LRRFIP1: variants seen among roughly 807,000 people sequenced by gnomAD.
LRRFIP1 encodes the protein LRR binding FLII interacting protein 1.
A neutral mutation model predicts 104.4 loss-of-function variants in LRRFIP1; 62 were observed. The ratio of observed to expected loss-of-function variants is 0.59; its 90% CI spans 0.48 to 0.73. The LOEUF (loss-of-function observed/expected upper bound fraction) is 0.73, where lower values mean the gene tolerates loss of function less well. LRRFIP1 is among the 30% of genes least tolerant of loss of function. LRRFIP1 has a pLI of 0.00. For synonymous variants in LRRFIP1, 300 were observed against 299.0 expected, an observed-to-expected ratio of 1.00 and a Z score of -0.03; for missense variants, 796 against 824.5, an observed-to-expected ratio of 0.97 and a Z score of 0.42.
intron 1 of LRRFIP1, among the ~76,000 whole-genome samples, chr2:237,697,011 A>T (rs1297321540): frequency 1.3e-5 from 2 of 152,210 alleles, no homozygotes; most frequent in African/African-American, 4.8e-5. Context: ...ACATTCAAAG[A>T]ACGAACTTAC....
chr2:237,628,927 G>A (rs1404418078), intron 1 of LRRFIP1, among the ~76,000 whole-genome samples: 1 of 152,202 alleles, frequency 6.6e-6, no homozygotes, highest in Non-Finnish European at 1.5e-5. Context: ...GGGCTTTCCA[G>A]GCAAACCCTT....
intron 2 of LRRFIP1, 147 bp downstream of exon 2, chr2:237,708,777 C>T: frequency 1.1e-6 from 1 of 912,182 alleles, no homozygotes; most frequent in Non-Finnish European, 1.8e-6. Flanking sequence ...TGACTTCTGC[C>T]CAAGGTCAGG....
chr2:237,644,859 A>T (rs2084617581), intron 1 of LRRFIP1, among the ~76,000 whole-genome samples: 1 of 152,224 alleles, frequency 6.6e-6, no homozygotes, highest in African/African-American at 2.4e-5. Context: ...GATTTGTCTG[A>T]TTAGACTGAA....
intron 1 of LRRFIP1, among the ~76,000 whole-genome samples, chr2:237,660,641 T>G (rs943679221): frequency 6.6e-6 from 1 of 152,236 alleles, no homozygotes; most frequent in Non-Finnish European, 1.5e-5. Flanking sequence ...TGCTGCAGTC[T>G]TGCTTGTAGC....
intron 1 of LRRFIP1, among the ~76,000 whole-genome samples, chr2:237,693,091 T>C (rs2092927460): frequency 1.3e-5 from 2 of 152,236 alleles, no homozygotes; most frequent in Non-Finnish European, 2.9e-5. Flanking sequence ...CAGCTCAATA[T>C]GCAGTCGTGG....
Position 237,764,284 on chromosome 2 carries a change from T to C in LRRFIP1, c.1459+4079T>C, listed in dbSNP as rs1289571580. ...CCAGGTGCTCTACTGCTTTAAGTTATAGACTGTTACTTGTAGATTTCCATG... is the reference window on the plus strand; with the variant it reads ...CCAGGTGCTCTACTGCTTTAAGTTACAGACTGTTACTTGTAGATTTCCATG... On this transcript the variant is annotated intron_variant, in intron 19 of 23. Transcript: ENST00000308482. 8 of 1,560,236 alleles carry C rather than the reference T, an allele frequency of 5.1e-6. No individual in the cohort carries two copies. In the East Asian group the frequency reaches 1.4e-4, roughly 27 times the overall value.
chr2:237,704,414 A>C (rs1268606311), intron 1 of LRRFIP1, among the ~76,000 whole-genome samples: 1 of 152,006 alleles, frequency 6.6e-6, no homozygotes, highest in Non-Finnish European at 1.5e-5. Context: ...TCAGTCCCCC[A>C]AAGTGCTGGG....
At chr2:237,668,590 G>C (rs6431554) in intron 1 of LRRFIP1, among the ~76,000 whole-genome samples, 134,927 of 152,138 alleles carry the variant, frequency 0.89, 59,949 homozygotes, top group East Asian at 0.92. Flanking sequence ...AGCTACTGAA[G>C]AGCGTTTCCC....
At chr2:237,697,080 G>A (rs1339432066) in intron 1 of LRRFIP1, among the ~76,000 whole-genome samples, 1 of 152,080 alleles carries the variant, frequency 6.6e-6, no homozygotes, top group Non-Finnish European at 1.5e-5. Flanking sequence ...GGAATGCAAT[G>A]GCACAATCTC....
At chr2:237,651,978 C>G (rs1011405009) in intron 1 of LRRFIP1, among the ~76,000 whole-genome samples, 2 of 152,240 alleles carry the variant, frequency 1.3e-5, no homozygotes, top group African/African-American at 4.8e-5. Context: ...CCACCAGATT[C>G]TGGCGTACCT....
intron 16 of LRRFIP1, 56 bp from the exon 17 acceptor site, chr2:237,757,399 TG>T: frequency 8.6e-7 from 1 of 1,163,938 alleles, no homozygotes; most frequent in Non-Finnish European, 1.2e-6. Context: ...TCTCTCGGGC[TG>T]GGGTTTTTCT....
intron 1 of LRRFIP1, among the ~76,000 whole-genome samples, chr2:237,640,511 G>T (rs1356120951): frequency 6.6e-6 from 1 of 152,106 alleles, no homozygotes; most frequent in Non-Finnish European, 1.5e-5. Context: ...ACCTGTGGAG[G>T]TGGGGCTGGA....
chr2:237,773,497 C>A (rs1190105065), intron 22 of LRRFIP1, among the ~76,000 whole-genome samples: 1 of 152,114 alleles, frequency 6.6e-6, no homozygotes, highest in East Asian at 1.9e-4. Context: ...GAGATCACGC[C>A]ACTGCACTCC....
intron 3 of LRRFIP1, among the ~76,000 whole-genome samples, chr2:237,715,751 G>A (rs764505950): frequency 1.8e-4 from 27 of 152,222 alleles, no homozygotes; most frequent in East Asian, 1.2e-3. Context: ...TGAAAGTAGC[G>A]CGGCTCCTGC....
At chr2:237,682,439 G>T (rs2091942345) in intron 1 of LRRFIP1, among the ~76,000 whole-genome samples, 1 of 152,222 alleles carries the variant, frequency 6.6e-6, no homozygotes. Flanking sequence ...GCTCGAGCCT[G>T]ATTATCTGCT....
At chr2:237,721,250 T>C in intron 6 of LRRFIP1, 1 of 169,870 alleles carries the variant, frequency 5.9e-6, no homozygotes, top group Non-Finnish European at 1.3e-5. Context: ...TATTGAGCAA[T>C]GTTTTGGCAT....
In LRRFIP1 at chr2:237,737,107, C is replaced by T. The variant is rs113952465; in HGVS notation, c.555+1774C>T. Among the ~76,000 whole-genome samples the T allele has an allele frequency of 3.0e-3, 456 of 152,302 alleles. 4 individuals carry two copies. Among genetic ancestry groups the T allele is most frequent in the African/African-American group, 0.01 (435 of 41,570 alleles). On this transcript the variant is annotated intron_variant, in intron 10 of 23. Transcript: ENST00000308482. ...CCTGCTGTGGAGGATTTGCCCTGCC[C>T]CTGGAGGACCAGGAATTGCCCCCGC...
At chr2:237,642,330 C>A (rs550601854) in intron 1 of LRRFIP1, among the ~76,000 whole-genome samples, 1 of 152,342 alleles carries the variant, frequency 6.6e-6, no homozygotes, top group South Asian at 2.1e-4. Flanking sequence ...AGGCTGCACG[C>A]CTGGTTCCAG....
At chr2:237,671,484 C>A (rs2090328141) in intron 1 of LRRFIP1, among the ~76,000 whole-genome samples, 1 of 152,182 alleles carries the variant, frequency 6.6e-6, no homozygotes, top group South Asian at 2.1e-4. Flanking sequence ...CAGAGATAAA[C>A]CTATTGTAAC....
Sources: gnomAD v4.1 joint callset for allele counts (sites outside exome capture counted in the v4.1 genomes callset) on GRCh38, gnomAD v4.1.1 for gene constraint, MANE v1.5 for transcripts, NCBI Gene and HGNC (gene_info 2026-07-23, HGNC 2026-07-21) for gene names.